TTC28: variants seen among roughly 807,000 people sequenced by gnomAD.
TTC28 encodes the protein tetratricopeptide repeat protein 28.
A neutral mutation model predicts 198.0 loss-of-function variants in TTC28; 61 were observed. The ratio of observed to expected loss-of-function variants is 0.31; its 90% confidence interval spans 0.25 to 0.38. The LOEUF is 0.38. Ranked by LOEUF, TTC28 falls within the 10% of genes least tolerant of loss-of-function variation. The pLI is 1.00. For missense variants in TTC28, 2,678 were observed against 3,164.0 expected (o/e 0.85, Z 3.69); for synonymous variants, 1,171 against 1,297.8 (o/e 0.90, Z 2.10).
intron 2 of TTC28, among the ~76,000 whole-genome samples, chr22:28,333,702 C>T (rs1386053178): frequency 1.3e-5 from 2 of 151,968 alleles, no homozygotes; most frequent in Non-Finnish European, 2.9e-5. Context: ...ATTTAAAAAC[C>T]ATTTTGCATA....
At chr22:27,993,983 C>T (rs965231912) in intron 17 of TTC28, among the ~76,000 whole-genome samples, 2 of 152,220 alleles carry the variant, frequency 1.3e-5, no homozygotes, top group Non-Finnish European at 2.9e-5. Flanking sequence ...AGCCTTGGTC[C>T]CTCCGCACTG....
intron 19 of TTC28, 131 bp downstream of exon 19, chr22:27,992,456 C>T: frequency 2.1e-6 from 2 of 953,354 alleles, no homozygotes; most frequent in Non-Finnish European, 3.1e-6. Flanking sequence ...CCGGCCCTCA[C>T]CTTCTCCTTT....
In TTC28 at chr22:27,985,092, C is replaced by T. The variant is rs537088208; in HGVS notation, c.5815+157G>A. On this transcript the variant is annotated intron_variant, in intron 22 of 22. Coordinates refer to ENST00000397906, the MANE Select transcript of TTC28 (RefSeq NM_001145418.2). ...CCATGAGAGCAGGGAGTTTTTGTTT[C>T]CTGCTCCTGAATAGTCCCTAACTGT... Among the ~76,000 whole-genome samples, 2 of 152,344 alleles carry T rather than the reference C, an allele frequency of 1.3e-5. 1 individual carries two copies. The highest frequency in any genetic ancestry group is 4.1e-4 in the South Asian group (2 of 4,824).
intron 2 of TTC28, among the ~76,000 whole-genome samples, chr22:28,341,713 C>T (rs377055260): frequency 3.9e-5 from 6 of 151,976 alleles, no homozygotes; most frequent in African/African-American, 1.5e-4. Context: ...TTGCTTGAAC[C>T]CGGGAGGCAG....
chr22:28,386,077 C>A (rs2046579529), intron 2 of TTC28, among the ~76,000 whole-genome samples: 2 of 151,332 alleles, frequency 1.3e-5, no homozygotes, highest in Admixed American at 1.3e-4. Context: ...GAGATCGAGA[C>A]CATCCCGGCT....
At chr22:28,545,431 T>C (rs2049519038) in intron 2 of TTC28, among the ~76,000 whole-genome samples, 1 of 151,748 alleles carries the variant, frequency 6.6e-6, no homozygotes, top group African/African-American at 2.4e-5. Context: ...AAATAAAAAA[T>C]AGCCAGGCAT....
chr22:28,014,516 G>A (rs574942751), intron 13 of TTC28, 124 bp from the exon 14 acceptor site: 2 of 1,115,472 alleles, frequency 1.8e-6, no homozygotes, highest in East Asian at 5.5e-5. Context: ...AACCCCGCCA[G>A]CCTCCCTCCC....
intron 2 of TTC28, among the ~76,000 whole-genome samples, chr22:28,337,729 T>C (rs1247003442): frequency 6.6e-6 from 1 of 152,176 alleles, no homozygotes. Flanking sequence ...TGAGCCTATG[T>C]GTGTCTCTGC....
chr22:28,154,621 G>C (rs1422483806), intron 6 of TTC28, among the ~76,000 whole-genome samples: 2 of 152,070 alleles, frequency 1.3e-5, no homozygotes, highest in Non-Finnish European at 2.9e-5. Flanking sequence ...CTCCCAAAGT[G>C]CTGGGATTAC....
At position 28,679,706 on chromosome 22, in the gene TTC28, C is replaced by T; in HGVS notation, c.18G>A (p.Pro6=). The change falls in exon 1 of 23, where the codon CCG becomes CCA. Residue 6 remains proline (P), a synonymous_variant. Transcript: ENST00000397906. MEQSP[P]PAPEPTQGPT... is the part of the protein sequence containing the mutation. The stretch of plus-strand genomic sequence containing the variant: ...GCCCTTGGGTCGGCTCGGGCGCCGG[C>T]GGCGGCGACTGCTCCATCCCCACGG... 2.6e-6 allele frequency: 3 copies of T among 1,162,362 alleles called. No homozygotes were observed. Among genetic ancestry groups the T allele is most frequent in the Middle Eastern group, 3.4e-4 (1 of 2,908 alleles). 72.0% of individuals were successfully genotyped at this position (1,162,362 alleles called of 1,614,324 possible). A position where few individuals can be genotyped will look rare whatever the true frequency, so the allele number is the denominator to read the frequency against.
intron 12 of TTC28, among the ~76,000 whole-genome samples, chr22:28,083,050 A>G (rs1055140819): frequency 3.9e-5 from 6 of 152,180 alleles, no homozygotes; most frequent in Non-Finnish European, 7.4e-5. Flanking sequence ...GAGGGAAAGA[A>G]AAAATAATGG....
chr22:28,143,087 C>G (rs1300546857), intron 6 of TTC28, among the ~76,000 whole-genome samples: 1 of 152,152 alleles, frequency 6.6e-6, no homozygotes, highest in Admixed American at 6.6e-5. Context: ...AAGCAGGTCC[C>G]TTTCCCTCTC....
chr22:28,234,332 A>G (rs1929071884), intron 5 of TTC28, among the ~76,000 whole-genome samples: 1 of 151,802 alleles, frequency 6.6e-6, no homozygotes, highest in African/African-American at 2.4e-5. Flanking sequence ...GTGAGCCACC[A>G]CTTACCAGGA....
chr22:28,389,729 CTCTT>C (rs1205338479), intron 2 of TTC28, among the ~76,000 whole-genome samples: 3 of 148,366 alleles, frequency 2.0e-5, no homozygotes, highest in African/African-American at 7.4e-5. Context: ...TGATTCTTCT[CTCTT>C]TTTTTCTTTA....
rs1268289228 is a variant in TTC28 at position 28,142,126 on chromosome 22, G to A, written c.1441+20966C>T. ...CTATTCTTACTAGACATTCTCCCTG[G>A]GAAGGTAAAACTTTTTTAAAAAGTA... On this transcript the variant is annotated intron_variant, in intron 6 of 22. Transcript: ENST00000397906. Among the ~76,000 whole-genome samples the A allele has an allele frequency of 2.0e-5, 3 of 152,200 alleles. No homozygotes were observed. The East Asian group carries it at 5.8e-4, about 29-fold the overall frequency.
intron 5 of TTC28, among the ~76,000 whole-genome samples, chr22:28,284,222 G>A (rs1213326539): frequency 6.6e-6 from 1 of 152,116 alleles, no homozygotes. Context: ...ATGGATAAAT[G>A]GATGAGATTA....
At chr22:28,149,394 T>A (rs925163117) in intron 6 of TTC28, among the ~76,000 whole-genome samples, 1 of 152,190 alleles carries the variant, frequency 6.6e-6, no homozygotes, top group African/African-American at 2.4e-5. Flanking sequence ...AAATGTGGTA[T>A]ATATACACAA....
At chr22:28,446,193 C>G (rs1358164231) in intron 2 of TTC28, among the ~76,000 whole-genome samples, 1 of 151,194 alleles carries the variant, frequency 6.6e-6, no homozygotes, top group Non-Finnish European at 1.5e-5. Context: ...CTTTGTAATC[C>G]CTACTGCCTA....
chr22:28,137,273 C>T (rs1444365329), intron 6 of TTC28, among the ~76,000 whole-genome samples: 1 of 152,140 alleles, frequency 6.6e-6, no homozygotes, highest in Non-Finnish European at 1.5e-5. Context: ...AGGCAGCGCT[C>T]TTGAGAAATG....
Sources: allele counts gnomAD v4.1 joint callset (sites outside exome capture counted in the v4.1 genomes callset), GRCh38; gene constraint gnomAD v4.1.1; transcripts MANE v1.5; gene names NCBI Gene and HGNC (gene_info 2026-07-23, HGNC 2026-07-21).